FBXL20: variants seen among roughly 807,000 people sequenced by gnomAD.
FBXL20 encodes F-box/LRR-repeat protein 20.
A neutral mutation model predicts 64.0 loss-of-function variants in FBXL20; 11 were observed. The ratio of observed to expected loss-of-function variants is 0.17; its 90% confidence interval spans 0.11 to 0.28. The LOEUF is 0.28. FBXL20 is among the 10% of genes least tolerant of loss of function. The probability of loss-of-function intolerance (pLI) is 1.00; values close to 1 mark genes in which losing one functional copy is unlikely to be tolerated. For synonymous variants in FBXL20, 184 were observed against 189.0 expected (o/e 0.97, Z 0.22); for missense variants, 303 against 526.2 (o/e 0.58, Z 4.15).
At chr17:39,307,463 T>C (rs1281911389) in intron 2 of FBXL20, among the ~76,000 whole-genome samples, 2 of 152,130 alleles carry the variant, frequency 1.3e-5, no homozygotes, top group East Asian at 3.8e-4. Flanking sequence ...AAACGAATGT[T>C]TGAAGATCAG....
intron 1 of FBXL20, among the ~76,000 whole-genome samples, chr17:39,393,313 T>C (rs566149868): frequency 7.9e-5 from 12 of 151,594 alleles, no homozygotes; most frequent in Non-Finnish European, 1.5e-4. Context: ...TAAATAATAA[T>C]AATAATTAAA....
intron 6 of FBXL20, among the ~76,000 whole-genome samples, chr17:39,287,759 C>T (rs1157052284): frequency 2.0e-5 from 3 of 152,004 alleles, no homozygotes; most frequent in Non-Finnish European, 2.9e-5. Flanking sequence ...GATCCTATGG[C>T]AAGGTTATGT....
intron 6 of FBXL20, among the ~76,000 whole-genome samples, chr17:39,295,806 T>TATATATATATATATATATATATATATATA (rs202244214): frequency 2.7e-4 from 41 of 149,442 alleles, no homozygotes; most frequent in Non-Finnish European, 4.5e-4. Flanking sequence ...TATATATATA[T>TATATATATATATATATATATATATATATA]TAAGTCTTCT....
chr17:39,310,247 G>A (rs1335761231), intron 2 of FBXL20, among the ~76,000 whole-genome samples: 4 of 151,668 alleles, frequency 2.6e-5, no homozygotes, highest in African/African-American at 9.7e-5. Flanking sequence ...TGGAACCAAT[G>A]TGTCCAACTG....
At chr17:39,372,917 G>A (rs926861316) in intron 1 of FBXL20, among the ~76,000 whole-genome samples, 6 of 152,070 alleles carry the variant, frequency 3.9e-5, no homozygotes, top group East Asian at 3.9e-4. Flanking sequence ...GAGCCACTGC[G>A]CCCAGCCTGT....
At chr17:39,278,938 G>A (rs911058761) in intron 9 of FBXL20, among the ~76,000 whole-genome samples, 1 of 151,870 alleles carries the variant, frequency 6.6e-6, no homozygotes, top group Non-Finnish European at 1.5e-5. Flanking sequence ...CAGATCACTT[G>A]AGGTCAGGAG....
At chr17:39,371,524 T>A (rs925886436) in intron 1 of FBXL20, among the ~76,000 whole-genome samples, 1 of 152,144 alleles carries the variant, frequency 6.6e-6, no homozygotes, top group Non-Finnish European at 1.5e-5. Flanking sequence ...CTCACTTAAT[T>A]GGCTCCTGAC....
At chr17:39,293,068 C>T (rs2047054700) in intron 6 of FBXL20, among the ~76,000 whole-genome samples, 1 of 152,032 alleles carries the variant, frequency 6.6e-6, no homozygotes, top group South Asian at 2.1e-4. Flanking sequence ...GCTGGGATTA[C>T]AGGCATGAGC....
In FBXL20 at chr17:39,254,630, A is replaced by T. The variant is rs1403461387; in HGVS notation, c.*6830T>A. On this transcript the variant is annotated 3_prime_UTR_variant, in exon 15 of 15. Coordinates refer to ENST00000264658, the MANE Select transcript of FBXL20 (RefSeq NM_032875.3). ...AAGTAGGAGCCCTCTTTGCCAGTAA[A>T]AAGGGGTGCAGTTGATCAGAGAGGA... 1 of 154,450 alleles carries T rather than the reference A, an allele frequency of 6.5e-6. No homozygotes were observed. The highest frequency in any genetic ancestry group is 1.9e-4 in the East Asian group (1 of 5,328). The allele number at this position is 154,450 out of a possible 1,614,324, so 9.6% of individuals were successfully genotyped here. A position where few individuals can be genotyped will look rare whatever the true frequency, so the allele number is the denominator to read the frequency against.
chr17:39,334,052 AAG>A (rs1320672673), intron 2 of FBXL20, among the ~76,000 whole-genome samples: 1 of 152,218 alleles, frequency 6.6e-6, no homozygotes, highest in Admixed American at 6.5e-5. Context: ...GGGGAAAAGA[AAG>A]AGAGATCAGA....
intron 1 of FBXL20, among the ~76,000 whole-genome samples, chr17:39,393,829 G>A (rs1278737808): frequency 6.6e-6 from 1 of 152,068 alleles, no homozygotes; most frequent in Non-Finnish European, 1.5e-5. Context: ...TGCAAATTTG[G>A]TTTGGATTTA....
chr17:39,284,018 T>C (rs1250226217), intron 7 of FBXL20, among the ~76,000 whole-genome samples: 6 of 152,210 alleles, frequency 3.9e-5, no homozygotes, highest in African/African-American at 1.4e-4. Flanking sequence ...CCCATAGCTC[T>C]CTGTTTTCCC....
chr17:39,302,485 T>C (rs1044637085), intron 3 of FBXL20, among the ~76,000 whole-genome samples: 2 of 151,238 alleles, frequency 1.3e-5, no homozygotes, highest in South Asian at 2.1e-4. Context: ...GCCATTCTCC[T>C]GCCTCAGCCT....
At chr17:39,321,344 C>T (rs1217088378) in intron 2 of FBXL20, among the ~76,000 whole-genome samples, 17 of 150,142 alleles carry the variant, frequency 1.1e-4, no homozygotes, top group Non-Finnish European at 8.9e-5. Context: ...CCCAGCTAGT[C>T]GGGAGGCTGA....
At chr17:39,397,299 G>A (rs1048900561) in intron 1 of FBXL20, among the ~76,000 whole-genome samples, 8 of 152,166 alleles carry the variant, frequency 5.3e-5, no homozygotes, top group Non-Finnish European at 8.8e-5. Flanking sequence ...AGATTTATAC[G>A]AAAGGCAGTG....
At chr17:39,303,919 C>CA (rs1339441056) in intron 2 of FBXL20, among the ~76,000 whole-genome samples, 40 of 152,234 alleles carry the variant, frequency 2.6e-4, no homozygotes, top group African/African-American at 8.2e-4. Context: ...CTCTTGGGCT[C>CA]AAGCAATTGG....
intron 1 of FBXL20, among the ~76,000 whole-genome samples, chr17:39,367,519 G>A (rs2144628140): frequency 6.6e-6 from 1 of 151,614 alleles, no homozygotes; most frequent in East Asian, 2.0e-4. Flanking sequence ...GTTTCACCAT[G>A]TTGGCCAGGC....
rs575401056 is a variant in FBXL20 at position 39,314,958 on chromosome 17, C to T, written c.105-11319G>A. Among the ~76,000 whole-genome samples the T allele has an allele frequency of 4.6e-5, 7 of 152,018 alleles. No individual in the cohort carries two copies. The South Asian group carries it at 6.2e-4, about 14-fold the overall frequency. On this transcript the variant is annotated intron_variant, in intron 2 of 14. Coordinates refer to ENST00000264658, the MANE Select transcript of FBXL20 (RefSeq NM_032875.3). ...GATTACAGGTGTACACTACCACACC[C>T]GGCTAATTTGTGTATTTTAGTAGAG...
intron 14 of FBXL20, among the ~76,000 whole-genome samples, chr17:39,262,783 G>A (rs2081448980): frequency 6.6e-6 from 1 of 151,854 alleles, no homozygotes; most frequent in South Asian, 2.1e-4. Flanking sequence ...CGGATCACGA[G>A]GTCAGGAGGT....
Sources: allele counts gnomAD v4.1 joint callset (sites outside exome capture counted in the v4.1 genomes callset), GRCh38; gene constraint gnomAD v4.1.1; transcripts MANE v1.5; gene names NCBI Gene and HGNC (gene_info 2026-07-23, HGNC 2026-07-21).